Variants in ZNF385D observed in about 807,000 individuals in gnomAD.
ZNF385D encodes zinc finger protein 659.
Under a neutral mutation model 35.8 loss-of-function variants are expected in ZNF385D, and 15 were observed. The observed-to-expected ratio is 0.42, with a 90% CI of 0.28 to 0.64. The LOEUF (loss-of-function observed/expected upper bound fraction) is 0.64, where lower values mean the gene tolerates loss of function less well. Among genes scored for constraint, ZNF385D ranks in the 30% least tolerant of loss-of-function variants. The pLI is 0.23. For missense variants in ZNF385D, 474 were observed against 494.6 expected (o/e 0.96, Z 0.39); for synonymous variants, 212 against 186.8 (o/e 1.13, Z -1.10).
intron 3 of ZNF385D, among the ~76,000 whole-genome samples, chr3:21,946,017 A>C (rs2125286127): frequency 6.6e-6 from 1 of 152,312 alleles, no homozygotes; most frequent in East Asian, 1.9e-4. Flanking sequence ...TACTTAATGC[A>C]GTGTGCATAT....
At chr3:21,895,871 A>G (rs912564350) in intron 3 of ZNF385D, among the ~76,000 whole-genome samples, 1 of 152,168 alleles carries the variant, frequency 6.6e-6, no homozygotes, top group Non-Finnish European at 1.5e-5. Context: ...GAAAGGAAAA[A>G]GAGTCTATGA....
At chr3:21,443,321 G>A (rs1701961906) in intron 4 of ZNF385D, 2 of 985,268 alleles carry the variant, frequency 2.0e-6, no homozygotes, top group African/African-American at 1.7e-5. Flanking sequence ...GACAATTCCT[G>A]GGGAACAAAG....
intron 3 of ZNF385D, among the ~76,000 whole-genome samples, chr3:21,756,248 T>C (rs1296728404): frequency 1.3e-5 from 2 of 152,164 alleles, no homozygotes; most frequent in African/African-American, 4.8e-5. Context: ...TCTCTACATG[T>C]ACCAAAATGG....
At chr3:21,427,665 C>T (rs1396120104) in intron 5 of ZNF385D, among the ~76,000 whole-genome samples, 1 of 152,050 alleles carries the variant, frequency 6.6e-6, no homozygotes, top group Non-Finnish European at 1.5e-5. Flanking sequence ...TATGGTGCTT[C>T]TCAGAATATC....
intron 2 of ZNF385D, among the ~76,000 whole-genome samples, chr3:22,337,836 G>C (rs541470358): frequency 3.3e-5 from 5 of 152,352 alleles, no homozygotes; most frequent in African/African-American, 9.6e-5. Flanking sequence ...CAGAACAGGA[G>C]CTATCACTGT....
At chr3:22,102,656 T>C (rs1361829521) in intron 3 of ZNF385D, among the ~76,000 whole-genome samples, 2 of 151,804 alleles carry the variant, frequency 1.3e-5, no homozygotes, top group Non-Finnish European at 2.9e-5. Context: ...ATGACTGGGG[T>C]AGAGAATAAA....
In ZNF385D at chr3:21,987,323, T is replaced by C. The variant is rs1694866279; in HGVS notation, c.325+181494A>G. 2.3e-5 allele frequency among the ~76,000 whole-genome samples: 3 copies of C among 130,334 alleles called. No homozygotes were observed. The South Asian group carries it at 7.6e-4, about 33-fold the overall frequency. 85.5% of individuals were successfully genotyped at this position (130,334 alleles called of 152,430 possible). A position where few individuals can be genotyped will look rare whatever the true frequency, so the allele number is the denominator to read the frequency against. On this transcript the variant is annotated intron_variant, in intron 3 of 5. Transcript: ENST00000494108. ...GGCTGGTACCGGTTGTTCCTTTCCA[T>C]GTTTAGTGCTTCCTTCAGGAGCTCT...
chr3:21,745,121 T>G (rs1013599477), intron 1 of ZNF385D, among the ~76,000 whole-genome samples: 5 of 152,136 alleles, frequency 3.3e-5, no homozygotes, highest in African/African-American at 9.7e-5. Context: ...ACCAACCCCA[T>G]TCCTGCCCCC....
intron 3 of ZNF385D, among the ~76,000 whole-genome samples, chr3:22,086,398 A>T (rs112152168): frequency 0.15 from 22,904 of 151,894 alleles, 2,363 homozygotes; most frequent in Non-Finnish European, 0.21. Context: ...AAGCATTCCT[A>T]TACACCAATA....
At chr3:22,030,265 A>T (rs1288856033) in intron 3 of ZNF385D, among the ~76,000 whole-genome samples, 1 of 85,252 alleles carries the variant, frequency 1.2e-5, no homozygotes, top group Non-Finnish European at 2.2e-5. Flanking sequence ...TCATATATAT[A>T]TATATATATA....
intron 3 of ZNF385D, among the ~76,000 whole-genome samples, chr3:21,890,184 T>C (rs1698776770): frequency 6.6e-6 from 1 of 152,178 alleles, no homozygotes; most frequent in Admixed American, 6.5e-5. Context: ...GTGCAGGTTA[T>C]ATAAGCAAGA....
At chr3:21,654,892 C>T (rs1274799558) in intron 2 of ZNF385D, among the ~76,000 whole-genome samples, 2 of 152,004 alleles carry the variant, frequency 1.3e-5, no homozygotes, top group Non-Finnish European at 2.9e-5. Flanking sequence ...AAAAAGTTCT[C>T]ATTCCTTTTA....
chr3:21,473,149 G>C (rs1704011631), intron 4 of ZNF385D, among the ~76,000 whole-genome samples: 2 of 151,986 alleles, frequency 1.3e-5, no homozygotes, highest in Admixed American at 6.6e-5. Context: ...AATCCCCTCT[G>C]ATGGCTTCCT....
chr3:21,441,607 C>A, intron 4 of ZNF385D: 4 of 796,994 alleles, frequency 5.0e-6, no homozygotes, highest in Non-Finnish European at 4.6e-6. Context: ...TATCCAAATA[C>A]CATAATGCTA....
At position 21,480,177 on chromosome 3, in the gene ZNF385D, A is replaced by G. The variant is rs974497787; in HGVS notation, c.439+30684T>C. 2.7e-5 allele frequency among the ~76,000 whole-genome samples: 4 copies of G among 146,848 alleles called. No homozygotes were observed. In the South Asian group the frequency reaches 6.4e-4, roughly 23 times the overall value. On this transcript the variant is annotated intron_variant, in intron 4 of 7. Transcript: ENST00000281523. Reference sequence around the variant, plus strand: ...GAGTGCAATGGCACGACCTCGGCTCACTGCAACCTCTGCCTCTGGGGTTCA... The same window carrying G: ...GAGTGCAATGGCACGACCTCGGCTCGCTGCAACCTCTGCCTCTGGGGTTCA...
chr3:21,902,773 T>C (rs577912216), intron 3 of ZNF385D, among the ~76,000 whole-genome samples: 6 of 152,322 alleles, frequency 3.9e-5, no homozygotes, highest in African/African-American at 1.4e-4. Context: ...CACACCAGCA[T>C]GTCACATGTA....
At chr3:22,243,991 A>G (rs1699631113) in intron 2 of ZNF385D, among the ~76,000 whole-genome samples, 1 of 150,904 alleles carries the variant, frequency 6.6e-6, no homozygotes, top group African/African-American at 2.5e-5. Flanking sequence ...ATGGTCTATG[A>G]CAACAGTCAA....
chr3:21,463,158 T>TA (rs879729497), intron 4 of ZNF385D, among the ~76,000 whole-genome samples: 193 of 152,206 alleles, frequency 1.3e-3, no homozygotes, highest in Non-Finnish European at 2.4e-3. Flanking sequence ...TGTAGTAATT[T>TA]AAAAGTTGTA....
At chr3:21,978,049 T>C (rs545864964) in intron 3 of ZNF385D, among the ~76,000 whole-genome samples, 32 of 152,310 alleles carry the variant, frequency 2.1e-4, no homozygotes, top group African/African-American at 7.7e-4. Context: ...AAAGAATTCA[T>C]AAATAAACAA....
Sources: allele counts gnomAD v4.1 joint callset (sites outside exome capture counted in the v4.1 genomes callset), GRCh38; gene constraint gnomAD v4.1.1; transcripts MANE v1.5; gene names NCBI Gene and HGNC (gene_info 2026-07-23, HGNC 2026-07-21).